Variants in INPP1 observed in about 807,000 individuals in gnomAD.
INPP1 encodes the protein inositol polyphosphate 1-phosphatase.
INPP1 carries 18 observed loss-of-function variants against 23.0 expected under a neutral mutation model. The observed-to-expected ratio is 0.78, with a 90% CI of 0.54 to 1.16. The LOEUF is 1.16. INPP1 is among the 50% of genes most tolerant of loss of function. INPP1 has a pLI of 0.00. For synonymous variants in INPP1, 164 were observed against 176.3 expected (o/e 0.93, Z 0.55); for missense variants, 448 against 482.1 (o/e 0.93, Z 0.66).
At position 190,366,741 on chromosome 2, in the gene INPP1, A is replaced by G. The variant is rs761672960; in HGVS notation, c.312A>G (p.Ala104=). 1 of 1,613,646 alleles carries G rather than the reference A, an allele frequency of 6.2e-7. No individual in the cohort carries two copies. The highest frequency in any genetic ancestry group is 1.7e-5 in the Admixed American group (1 of 60,016). ...LRLCSTEEET[A]ELLSKVLNGN... is the part of the protein sequence containing the mutation. The stretch of plus-strand genomic sequence containing the variant: ...TGTGTTCAACAGAGGAGGAAACAGC[A>G]GAGCTTCTTAGCAAAGTCCTCAATG... The change falls in exon 5 of 7, where the codon GCA becomes GCG. Residue 104 remains alanine, a synonymous_variant. Transcript: ENST00000392329.
intron 2 of INPP1, among the ~76,000 whole-genome samples, chr2:190,350,011 A>G (rs1689296946): frequency 6.6e-6 from 1 of 152,080 alleles, no homozygotes; most frequent in South Asian, 2.1e-4. Context: ...CGCCTGGCTA[A>G]TTTTTGTATT....
In INPP1 at chr2:190,371,448, T is replaced by C; in HGVS notation, c.*46T>C. ...ACCTGTATAAACTGAACTGTGAAAC[T>C]GTTTCGGTTATCTCTGTCTTTTGAG... On this transcript the variant is annotated 3_prime_UTR_variant, in exon 7 of 7. Transcript: ENST00000392329. This position sits in a 1 kb window ranked among gnomAD's most constrained non-coding sequence, Gnocchi z 5.3. 2 of 1,406,558 alleles carry C rather than the reference T, an allele frequency of 1.4e-6. No individual in the cohort carries two copies. Among genetic ancestry groups the C allele is most frequent in the Non-Finnish European group, 1.9e-6 (2 of 1,053,028 alleles). 87.1% of individuals were successfully genotyped at this position (1,406,558 alleles called of 1,614,324 possible).
intron 4 of INPP1, among the ~76,000 whole-genome samples, chr2:190,365,738 C>T (rs906517631): frequency 5.3e-5 from 8 of 152,214 alleles, no homozygotes. Context: ...ATATTGCCCT[C>T]AATCTAAGTG....
intron 6 of INPP1, among the ~76,000 whole-genome samples, chr2:190,370,148 G>A (rs1423012801): frequency 6.6e-6 from 1 of 152,176 alleles, no homozygotes; most frequent in African/African-American, 2.4e-5. Context: ...AAATGGAGGT[G>A]GTCAACAAAA....
At position 190,371,463 on chromosome 2, in the gene INPP1, T is replaced by C; in HGVS notation, c.*61T>C. The C allele has an allele frequency of 2.2e-6, 3 of 1,336,624 alleles. No homozygotes were observed. The South Asian group carries it at 5.1e-5, about 23-fold the overall frequency. The allele number at this position is 1,336,624 out of a possible 1,614,324, so 82.8% of individuals were successfully genotyped here. A position where few individuals can be genotyped will look rare whatever the true frequency, so the allele number is the denominator to read the frequency against. On this transcript the variant is annotated 3_prime_UTR_variant, in exon 7 of 7. Transcript: ENST00000392329. The surrounding 1 kb of genome is among the most constrained non-coding windows in gnomAD (Gnocchi z 5.3). Reference sequence around the variant, plus strand: ...ACTGTGAAACTGTTTCGGTTATCTCTGTCTTTTGAGGATGGCTTTGTCCTG... The same window carrying C: ...ACTGTGAAACTGTTTCGGTTATCTCCGTCTTTTGAGGATGGCTTTGTCCTG...
rs1470363302 is a variant in INPP1, at chr2:190,356,915, G to A, written c.-64-3124G>A. Reference sequence around the variant, plus strand: ...AGGTTACTGAATGTATACTTTTGTGGCCATGTATTATACTGAGATATGTAT... The same window carrying A: ...AGGTTACTGAATGTATACTTTTGTGACCATGTATTATACTGAGATATGTAT... On this transcript the variant is annotated intron_variant, in intron 2 of 6. Transcript: ENST00000392329. This position sits in a 1 kb window ranked among gnomAD's most constrained non-coding sequence, Gnocchi z 6.4. 2 of 152,014 alleles carry A rather than the reference G, an allele frequency of 1.3e-5. No homozygotes were observed. The highest frequency in any genetic ancestry group is 4.8e-5 in the African/African-American group (2 of 41,388). The allele number at this position is 152,014 out of a possible 1,614,324, so 9.4% of individuals were successfully genotyped here. A position where few individuals can be genotyped will look rare whatever the true frequency, so the allele number is the denominator to read the frequency against.
At chr2:190,344,639 G>A (rs1242793507) in intron 1 of INPP1, among the ~76,000 whole-genome samples, 5 of 152,360 alleles carry the variant, frequency 3.3e-5, no homozygotes, top group African/African-American at 1.2e-4. Flanking sequence ...CCTGGGTTTG[G>A]CCCTATCATG....
chr2:190,360,585 A>G (rs764848382), intron 3 of INPP1, among the ~76,000 whole-genome samples: 17 of 152,350 alleles, frequency 1.1e-4, no homozygotes, highest in South Asian at 2.1e-4. Context: ...CCTTCCACTT[A>G]CTAATGAATT....
chr2:190,345,948 C>G lies in INPP1; in HGVS notation c.-209+1987C>G, dbSNP rs1249908399. 1.3e-5 allele frequency among the ~76,000 whole-genome samples: 2 copies of G among 152,142 alleles called. No homozygotes were observed. Among genetic ancestry groups the G allele is most frequent in the Non-Finnish European group, 2.9e-5 (2 of 68,028 alleles). Reference sequence around the variant, plus strand: ...ATCAGAGGTTGCAGTGAGCCCAGATCGCGCCACTGCACTCCAGCCTGGGCG... The same window carrying G: ...ATCAGAGGTTGCAGTGAGCCCAGATGGCGCCACTGCACTCCAGCCTGGGCG... On this transcript the variant is annotated intron_variant, in intron 1 of 6. Coordinates refer to ENST00000392329, the MANE Select transcript of INPP1 (RefSeq NM_001128928.2). The surrounding 1 kb of genome is among the most constrained non-coding windows in gnomAD (Gnocchi z 4.9).
At position 190,363,104 on chromosome 2, in the gene INPP1, G is replaced by A. The variant is rs1397008793; in HGVS notation, c.265+417G>A. The stretch of plus-strand genomic sequence containing the variant: ...GGAAGTCCATGGACCTTGGCTAAAA[G>A]TACAGAGGTGGCCATGGTTCTGAAA... On this transcript the variant is annotated intron_variant, in intron 4 of 6. Coordinates refer to ENST00000392329, the MANE Select transcript of INPP1 (RefSeq NM_001128928.2). This position sits in a 1 kb window ranked among gnomAD's most constrained non-coding sequence, Gnocchi z 4.4. The A allele has an allele frequency of 6.5e-6, 1 of 154,608 alleles. No individual in the cohort carries two copies. The highest frequency in any genetic ancestry group is 1.9e-4 in the East Asian group (1 of 5,282). 9.6% of individuals were successfully genotyped at this position (154,608 alleles called of 1,614,324 possible). A position where few individuals can be genotyped will look rare whatever the true frequency, so the allele number is the denominator to read the frequency against.
Position 190,354,561 on chromosome 2 carries a change from T to G in INPP1, c.-64-5478T>G, listed in dbSNP as rs571530699. Among the ~76,000 whole-genome samples the G allele has an allele frequency of 1.4e-3, 207 of 152,266 alleles. 1 individual carries two copies. The highest frequency in any genetic ancestry group is 2.6e-3 in the Non-Finnish European group (174 of 68,016). ...TAACGCCCACGATGGAAAGGCCAGG[T>G]GAGGCCACAATGAGAGGGGCCGTCT... On this transcript the variant is annotated intron_variant, in intron 2 of 6. Transcript: ENST00000392329. The surrounding 1 kb of genome is among the most constrained non-coding windows in gnomAD (Gnocchi z 4.8).
Position 190,355,798 on chromosome 2 carries a change from A to G in INPP1, c.-64-4241A>G, listed in dbSNP as rs1353242299. Among the ~76,000 whole-genome samples, 2 of 152,220 alleles carry G rather than the reference A, an allele frequency of 1.3e-5. No homozygotes were observed. Among genetic ancestry groups the G allele is most frequent in the African/African-American group, 4.8e-5 (2 of 41,460 alleles). The stretch of plus-strand genomic sequence containing the variant: ...ATGTAAACTTACTTTTTAAAAAATC[A>G]TCTACTTCATCACGCAGTTATCAAG... On this transcript the variant is annotated intron_variant, in intron 2 of 6. Transcript: ENST00000392329. This position sits in a 1 kb window ranked among gnomAD's most constrained non-coding sequence, Gnocchi z 5.1.
In INPP1 at chr2:190,346,234, A is replaced by T. The variant is rs1375429951; in HGVS notation, c.-209+2273A>T. On this transcript the variant is annotated intron_variant, in intron 1 of 6. Coordinates refer to ENST00000392329, the MANE Select transcript of INPP1 (RefSeq NM_001128928.2). The surrounding 1 kb of genome is among the most constrained non-coding windows in gnomAD (Gnocchi z 5.1). ...ATTTCAAATAGACAAAAATGATAAA[A>T]TTTTAAAATAGTCAACAACAACAAA... Among the ~76,000 whole-genome samples the T allele has an allele frequency of 6.6e-6, 1 of 152,200 alleles. No homozygotes were observed. Among genetic ancestry groups the T allele is most frequent in the Non-Finnish European group, 1.5e-5 (1 of 68,022 alleles).
In INPP1 at chr2:190,352,983, T is replaced by C. The variant is rs1199340281; in HGVS notation, c.-65+3952T>C. On this transcript the variant is annotated intron_variant, in intron 2 of 6. Transcript: ENST00000392329. The surrounding 1 kb of genome is among the most constrained non-coding windows in gnomAD (Gnocchi z 4.7). Reference sequence around the variant, plus strand: ...AACCGTGGGGGTGGGGTGGAGTCAATGCGCAATGGGCAAAAATGTGTACTC... The same window carrying C: ...AACCGTGGGGGTGGGGTGGAGTCAACGCGCAATGGGCAAAAATGTGTACTC... Among the ~76,000 whole-genome samples, 1 of 152,130 alleles carries C rather than the reference T, an allele frequency of 6.6e-6. No individual in the cohort carries two copies.
At position 190,355,828 on chromosome 2, in the gene INPP1, G is replaced by A. The variant is rs1037016420; in HGVS notation, c.-64-4211G>A. ...CTTCATCACGCAGTTATCAAGCCTA[G>A]TACCCATTAGTGATGAAAGAATCTG... On this transcript the variant is annotated intron_variant, in intron 2 of 6. Coordinates refer to ENST00000392329, the MANE Select transcript of INPP1 (RefSeq NM_001128928.2). The surrounding 1 kb of genome is among the most constrained non-coding windows in gnomAD (Gnocchi z 5.1). 2.0e-5 allele frequency among the ~76,000 whole-genome samples: 3 copies of A among 152,064 alleles called. No homozygotes were observed. The highest frequency in any genetic ancestry group is 4.4e-5 in the Non-Finnish European group (3 of 68,022).
At chr2:190,359,344 G>A (rs1689486036) in intron 2 of INPP1, among the ~76,000 whole-genome samples, 1 of 151,726 alleles carries the variant, frequency 6.6e-6, no homozygotes, top group African/African-American at 2.4e-5. Context: ...CTGGTACTTA[G>A]TACTTTAGAA....
chr2:190,359,976 C>T (rs759071835), intron 2 of INPP1, 63 bp from the exon 3 acceptor site: 110 of 895,296 alleles, frequency 1.2e-4, no homozygotes, highest in Non-Finnish European at 1.8e-4. Context: ...GTTAGTAGTG[C>T]CAGAGGCACC....
chr2:190,357,771 C>G (rs1689445232), intron 2 of INPP1, among the ~76,000 whole-genome samples: 1 of 152,184 alleles, frequency 6.6e-6, no homozygotes, highest in Non-Finnish European at 1.5e-5. Flanking sequence ...CTCTGGAAAC[C>G]TAACTTGTTT....
rs1689412336 is a variant in INPP1, at chr2:190,355,939, A to G, written c.-64-4100A>G. 1.3e-5 allele frequency among the ~76,000 whole-genome samples: 2 copies of G among 151,940 alleles called. No homozygotes were observed. The highest frequency in any genetic ancestry group is 4.1e-4 in the South Asian group (2 of 4,826). On this transcript the variant is annotated intron_variant, in intron 2 of 6. Transcript: ENST00000392329. The surrounding 1 kb of genome is among the most constrained non-coding windows in gnomAD (Gnocchi z 5.1). ...CTTAGAATAAAAGTTGAAAAAATAAATAAATTAATTAAAAAATCATCTGAA... is the reference window on the plus strand; with the variant it reads ...CTTAGAATAAAAGTTGAAAAAATAAGTAAATTAATTAAAAAATCATCTGAA...
Sources: gnomAD v4.1 joint callset for allele counts (sites outside exome capture counted in the v4.1 genomes callset) on GRCh38, gnomAD v4.1.1 for gene constraint, Gnocchi (gnomAD v3.1) non-coding constraint, MANE v1.5 for transcripts, NCBI Gene and HGNC (gene_info 2026-07-23, HGNC 2026-07-21) for gene names.